UNC79: variants seen among roughly 807,000 people sequenced by gnomAD.
UNC79 encodes the protein unc-79 subunit of NALCN channel complex.
UNC79 carries 37 observed loss-of-function variants against 283.1 expected under a neutral mutation model. The ratio of observed to expected loss-of-function variants is 0.13; its 90% CI spans 0.10 to 0.17. UNC79 has a LOEUF of 0.17. Ranked by LOEUF, UNC79 falls within the 10% of genes least tolerant of loss-of-function variation. UNC79 has a pLI of 1.00. For synonymous variants in UNC79, 1,107 were observed against 1,200.2 expected (o/e 0.92, Z 1.61); for missense variants, 2,272 against 3,211.1 (o/e 0.71, Z 7.07).
intron 1 of UNC79, among the ~76,000 whole-genome samples, chr14:93,435,259 AAAG>A (rs1445745047): frequency 5.9e-5 from 9 of 152,344 alleles, no homozygotes; most frequent in African/African-American, 1.7e-4. Context: ...GTGGTTGCAA[AAAG>A]AAGAATAGCT....
At chr14:93,512,546 A>G (rs2059875650) in intron 7 of UNC79, among the ~76,000 whole-genome samples, 1 of 152,114 alleles carries the variant, frequency 6.6e-6, no homozygotes, top group African/African-American at 2.4e-5. Flanking sequence ...TTCCAGAGGT[A>G]TCAAATACTC....
intron 1 of UNC79, among the ~76,000 whole-genome samples, chr14:93,338,614 A>C (rs138936206): frequency 1.9e-3 from 286 of 152,298 alleles, no homozygotes; most frequent in African/African-American, 6.6e-3. Context: ...GGAATGACAA[A>C]AGACTTGAAC....
At chr14:93,612,962 C>G (rs774206598) in exon 27 of UNC79, 1 of 1,613,978 alleles carries the variant, frequency 6.2e-7, no homozygotes, top group East Asian at 2.2e-5. Context: ...GCCTTCAACA[C>G]GGTCAAGCGA....
intron 24 of UNC79, among the ~76,000 whole-genome samples, chr14:93,599,102 G>C (rs1469308426): frequency 6.6e-6 from 1 of 152,132 alleles, no homozygotes; most frequent in Admixed American, 6.5e-5. Flanking sequence ...TTATTATTTT[G>C]TTGTTATTAT....
At chr14:93,570,115 T>G (rs951114044) in intron 14 of UNC79, among the ~76,000 whole-genome samples, 16 of 152,090 alleles carry the variant, frequency 1.1e-4, no homozygotes, top group Admixed American at 2.6e-4. Flanking sequence ...CCTGGCTAAT[T>G]TAAAAAAATT....
intron 1 of UNC79, among the ~76,000 whole-genome samples, chr14:93,376,344 T>C (rs766653356): frequency 2.0e-5 from 3 of 152,318 alleles, no homozygotes; most frequent in Middle Eastern, 3.4e-3. Flanking sequence ...TGATATAAAA[T>C]CTTTCTCTAA....
chr14:93,561,134 G>A (rs190063304), intron 14 of UNC79, among the ~76,000 whole-genome samples: 87 of 152,230 alleles, frequency 5.7e-4, no homozygotes, highest in Non-Finnish European at 7.4e-4. Flanking sequence ...CTGTAATATG[G>A]AGCTGTAAGG....
chr14:93,494,133 G>A (rs2058900401), intron 5 of UNC79, among the ~76,000 whole-genome samples: 1 of 151,720 alleles, frequency 6.6e-6, no homozygotes, highest in South Asian at 2.1e-4. Flanking sequence ...TTGAACTCCT[G>A]ACCTCAGGAG....
rs532377155 is a variant in UNC79, at chr14:93,606,133, G to A, written c.3754+2715G>A. Among the ~76,000 whole-genome samples the A allele has an allele frequency of 3.3e-5, 5 of 152,186 alleles. No individual in the cohort carries two copies. The South Asian group carries it at 6.2e-4, about 19-fold the overall frequency. ...GCTTGTCTCTTTGTCTTAAAGCTTA[G>A]CTGAGAAGCTAGTCTTTCATGATAA... On this transcript the variant is annotated intron_variant, in intron 26 of 48. Coordinates refer to ENST00000555664, the Ensembl canonical transcript of UNC79.
intron 25 of UNC79, among the ~76,000 whole-genome samples, chr14:93,602,335 C>T (rs989925396): frequency 1.3e-5 from 2 of 152,058 alleles, no homozygotes; most frequent in African/African-American, 4.8e-5. Flanking sequence ...GCCAATTATC[C>T]CAGCACCATT....
intron 34 of UNC79, 128 bp downstream of exon 37, chr14:93,643,825 C>CCTTGTAGA: frequency 7.3e-7 from 1 of 1,371,570 alleles, no homozygotes; most frequent in Non-Finnish European, 9.9e-7. Context: ...GTGACATCAA[C>CCTTGTAGA]TCAGACTAGT....
chr14:93,422,187 A>G (rs921827402), intron 1 of UNC79, among the ~76,000 whole-genome samples: 2 of 151,818 alleles, frequency 1.3e-5, no homozygotes, highest in African/African-American at 4.8e-5. Flanking sequence ...TAAGATTTAC[A>G]TTGGTTTGGT....
chr14:93,484,718 A>G (rs1274187024), intron 4 of UNC79, among the ~76,000 whole-genome samples: 1 of 152,228 alleles, frequency 6.6e-6, no homozygotes, highest in African/African-American at 2.4e-5. Context: ...ACATCTGTTT[A>G]CATCATGCCT....
intron 1 of UNC79, among the ~76,000 whole-genome samples, chr14:93,368,779 G>A (rs1046602662): frequency 6.6e-6 from 1 of 152,164 alleles, no homozygotes; most frequent in African/African-American, 2.4e-5. Context: ...GCTCAAAAAT[G>A]CCATTTTCAA....
chr14:93,456,999 T>C (rs974635014), intron 1 of UNC79, among the ~76,000 whole-genome samples: 8 of 152,210 alleles, frequency 5.3e-5, no homozygotes, highest in Non-Finnish European at 2.9e-5. Flanking sequence ...AGGAAAGTGA[T>C]ACAAGTAGTT....
chr14:93,679,946 A>G (rs1490397273), intron 41 of UNC79, among the ~76,000 whole-genome samples: 1 of 152,192 alleles, frequency 6.6e-6, no homozygotes, highest in Non-Finnish European at 1.5e-5. Flanking sequence ...TATGGTTGGC[A>G]GCCATAGAAA....
At chr14:93,341,604 CAAAAA>C (rs952789518) in intron 1 of UNC79, among the ~76,000 whole-genome samples, 3 of 62,710 alleles carry the variant, frequency 4.8e-5, no homozygotes, top group Non-Finnish European at 1.2e-4. Context: ...TCTGTCTCTA[CAAAAA>C]AAAAAAAAAA....
downstream of UNC79, chr14:93,707,675 G>A (rs1945664537): frequency 1.3e-5 from 2 of 152,208 alleles, no homozygotes; most frequent in Non-Finnish European, 2.9e-5. Flanking sequence ...CTGGCACAGT[G>A]CCCTGCACCT....
chr14:93,612,970 C>A, exon 27 of UNC79: 1 of 1,614,108 alleles, frequency 6.2e-7, no homozygotes, highest in Non-Finnish European at 8.5e-7. Context: ...CACGGTCAAG[C>A]GACACCTGTA....
Sources: allele counts gnomAD v4.1 joint callset (sites outside exome capture counted in the v4.1 genomes callset), GRCh38; gene constraint gnomAD v4.1.1; transcripts MANE v1.5; gene names NCBI Gene and HGNC (gene_info 2026-07-23, HGNC 2026-07-21).